The following ZNF875 variants were observed in gnomAD, a reference collection of about 807,000 sequenced individuals.
ZNF875 encodes the protein zinc finger protein 875, also known as HKR1, GLI-Kruppel zinc finger family member.
Under a neutral mutation model 11.2 loss-of-function variants are expected in ZNF875, and 14 were observed. That is an observed-to-expected ratio of 1.26 (90% confidence interval 0.83 to 1.96). The LOEUF (loss-of-function observed/expected upper bound fraction) is 1.96, where lower values mean the gene tolerates loss of function less well. Ranked by LOEUF, ZNF875 falls within the 30% of genes most tolerant of loss-of-function variation. ZNF875 has a pLI of 0.00. For missense variants in ZNF875, 752 were observed against 760.4 expected (o/e 0.99, Z 0.13); for synonymous variants, 301 against 281.1 (o/e 1.07, Z -0.71).
upstream of ZNF875, among the ~76,000 whole-genome samples, chr19:37,314,473 A>G (rs1368274210): frequency 6.6e-6 from 1 of 152,208 alleles, no homozygotes; most frequent in Non-Finnish European, 1.5e-5. Flanking sequence ...TTCCACTGAG[A>G]TGATGCATCA....
chr19:37,350,715 A>G (rs960338967), intron 4 of ZNF875, among the ~76,000 whole-genome samples: 1 of 151,918 alleles, frequency 6.6e-6, no homozygotes, highest in Non-Finnish European at 1.5e-5. Flanking sequence ...TATCACTACA[A>G]AGAAAACTCT....
upstream of ZNF875, among the ~76,000 whole-genome samples, chr19:37,334,470 A>G (rs1016539950): frequency 1.3e-5 from 2 of 152,198 alleles, no homozygotes; most frequent in African/African-American, 4.8e-5. Context: ...TCACTTGGGC[A>G]TCTTAAGAGT....
intron 4 of ZNF875, among the ~76,000 whole-genome samples, chr19:37,349,652 C>CT (rs2146329564): frequency 6.6e-6 from 1 of 151,754 alleles, no homozygotes; most frequent in African/African-American, 2.4e-5. Flanking sequence ...TACCTCCTTG[C>CT]TTTTTTTATT....
intron 2 of ZNF875, among the ~76,000 whole-genome samples, chr19:37,340,959 T>C (rs1568598073): frequency 6.6e-6 from 1 of 152,150 alleles, no homozygotes; most frequent in Non-Finnish European, 1.5e-5. Context: ...TGTGTACTTT[T>C]AACTTAGATA....
chr19:37,346,061 A>G (rs1311688223), intron 2 of ZNF875, among the ~76,000 whole-genome samples: 1 of 152,218 alleles, frequency 6.6e-6, no homozygotes, highest in African/African-American at 2.4e-5. Context: ...CCAGCCATGC[A>G]CATGGAACTG....
chr19:37,335,840 T>C (rs1309840390), intron 2 of ZNF875, among the ~76,000 whole-genome samples: 1 of 152,180 alleles, frequency 6.6e-6, no homozygotes, highest in Non-Finnish European at 1.5e-5. Flanking sequence ...AGTGGAATGC[T>C]GAGTTGGTCA....
chr19:37,331,617 A>AAGGC (rs1165562089), upstream of ZNF875, among the ~76,000 whole-genome samples: 2 of 147,438 alleles, frequency 1.4e-5, no homozygotes, highest in African/African-American at 5.0e-5. Context: ...CAGATGCTTG[A>AAGGC]AGGCAGCATG....
rs1289149045 is a variant in ZNF875, at chr19:37,363,637, A to G, written c.1785A>G (p.Gln595=). The change falls in exon 5 of 5, where the codon CAA becomes CAG. Residue 595 remains glutamine, a synonymous_variant. Coordinates refer to ENST00000392153, the MANE Select transcript of ZNF875 (RefSeq NM_001353803.2). ...CTCATGTGTGCAGGGAGTGTGGGCA[A>G]GGCTTTAGCCGGCAGTCACACCTCA... is the stretch of plus-strand genomic sequence containing the variant. ...GKPHVCRECG[Q]GFSRQSHLIR... is the part of the protein sequence containing the mutation. 3.7e-6 allele frequency: 6 copies of G among 1,613,932 alleles called. No homozygotes were observed. The highest frequency in any genetic ancestry group is 2.2e-5 in the East Asian group (1 of 44,846).
intron 4 of ZNF875, among the ~76,000 whole-genome samples, chr19:37,355,925 C>A (rs939071925): frequency 2.0e-5 from 3 of 152,146 alleles, no homozygotes; most frequent in South Asian, 4.1e-4. Context: ...TCAGCCCTTA[C>A]CTCCATCCTT....
At position 37,362,069 on chromosome 19, in the gene ZNF875, C is replaced by T. The variant is rs777204267; in HGVS notation, c.257-40C>T. ...GGCAAGGCAAAATTGCCTACACAGC[C>T]CTACCTATGGCCCCTCTGAAAATGT... On this transcript the variant is annotated intron_variant, in intron 4 of 4. Transcript: ENST00000392153. The T allele has an allele frequency of 4.7e-5, 69 of 1,459,792 alleles. No individual in the cohort carries two copies. The South Asian group carries it at 8.3e-4, about 18-fold the overall frequency. The allele number at this position is 1,459,792 out of a possible 1,614,324, so 90.4% of individuals were successfully genotyped here. A position where few individuals can be genotyped will look rare whatever the true frequency, so the allele number is the denominator to read the frequency against.
chr19:37,331,231 CTT>C (rs142005460), upstream of ZNF875, among the ~76,000 whole-genome samples: 154 of 63,834 alleles, frequency 2.4e-3, no homozygotes, highest in African/African-American at 5.6e-3. Flanking sequence ...TAACTCCTTG[CTT>C]TTTTTTTTTT....
intron 4 of ZNF875, among the ~76,000 whole-genome samples, chr19:37,358,932 C>G (rs987093255): frequency 3.3e-5 from 5 of 151,530 alleles, no homozygotes; most frequent in African/African-American, 1.2e-4. Flanking sequence ...TGGAGTTTCA[C>G]TGTTGTAGCC....
rs951555549 is a variant in ZNF875, at chr19:37,362,489, A to G, written c.637A>G (p.Lys213Glu). Residue 213 changes from lysine (K) to glutamate (E), a missense_variant, in exon 5 of 5, where the codon AAA becomes GAA. Physicochemically the swap from Lys to Glu is moderately conservative, Grantham distance 56 (BLOSUM62 1). Coordinates refer to ENST00000392153, the MANE Select transcript of ZNF875 (RefSeq NM_001353803.2). ...ERRADLEETD[K>E]VLHGLEVSGF... is the part of the protein sequence containing the mutation. ...GAGGGCAGATCTAGAGGAAACAGAC[A>G]AAGTATTGCATGGTTTAGAAGTCTC... is the stretch of plus-strand genomic sequence containing the variant. 6.2e-7 allele frequency: 1 copy of G among 1,614,220 alleles called. No individual in the cohort carries two copies. The highest frequency in any genetic ancestry group is 8.5e-7 in the Non-Finnish European group (1 of 1,180,046).
chr19:37,333,646 G>T (rs867459490), upstream of ZNF875, among the ~76,000 whole-genome samples: 1 of 152,020 alleles, frequency 6.6e-6, no homozygotes, highest in South Asian at 2.1e-4. Context: ...GGATATTAAG[G>T]AAGTCAGGAA....
At chr19:37,341,673 T>A (rs1568599825) in intron 2 of ZNF875, among the ~76,000 whole-genome samples, 1 of 152,124 alleles carries the variant, frequency 6.6e-6, no homozygotes, top group Non-Finnish European at 1.5e-5. Context: ...TTCATACCCT[T>A]ACCATGTGCA....
Position 37,338,472 on chromosome 19 carries a change from C to G in ZNF875, c.33+3215C>G, listed in dbSNP as rs186021803. Among the ~76,000 whole-genome samples the G allele has an allele frequency of 8.4e-4, 128 of 152,308 alleles. 2 individuals are homozygous for G. In the East Asian group the frequency reaches 0.023, roughly 27 times the overall value. ...CTCCCAGTGTTACCAGGGAAGCATT[C>G]TTTCTGATTGGCTGGGAAAAGTCAG... On this transcript the variant is annotated intron_variant, in intron 2 of 4. Transcript: ENST00000392153.
At chr19:37,325,340 T>C (rs2032244334) in intron 4 of ZNF875, among the ~76,000 whole-genome samples, 1 of 152,080 alleles carries the variant, frequency 6.6e-6, no homozygotes, top group South Asian at 2.1e-4. Context: ...TGTTTCTGCC[T>C]CCCTAGAGAC....
chr19:37,347,744 C>T, intron 3 of ZNF875, 33 bp from the exon 4 acceptor site: 1 of 1,400,968 alleles, frequency 7.1e-7, no homozygotes, highest in East Asian at 2.3e-5. Context: ...AGCCCATAAC[C>T]AACAATGTCC....
Position 37,362,102 on chromosome 19 carries a change from T to G in ZNF875, c.257-7T>G, listed in dbSNP as rs1294122997. 6.2e-7 allele frequency: 1 copy of G among 1,604,462 alleles called. No individual in the cohort carries two copies. Among genetic ancestry groups the G allele is most frequent in the Non-Finnish European group, 8.5e-7 (1 of 1,174,434 alleles). ...TGGCCCCTCTGAAAATGTTCTTTCT[T>G]CAGCAGAATCGAAGCCAGAAATTCA... On this transcript the variant is annotated splice_polypyrimidine_tract_variant and splice_region_variant and intron_variant, in intron 4 of 4. Coordinates refer to ENST00000392153, the MANE Select transcript of ZNF875 (RefSeq NM_001353803.2).
Sources: gnomAD v4.1 joint callset for allele counts (sites outside exome capture counted in the v4.1 genomes callset) on GRCh38, gnomAD v4.1.1 for gene constraint, MANE v1.5 for transcripts, NCBI Gene and HGNC (gene_info 2026-07-23, HGNC 2026-07-21) for gene names.